Variants in ANKRD10 observed in about 807,000 individuals in gnomAD.
ANKRD10 encodes ankyrin repeat domain 10.
Under a neutral mutation model 27.0 loss-of-function variants are expected in ANKRD10, and 14 were observed. The ratio of observed to expected loss-of-function variants is 0.52; its 90% confidence interval spans 0.34 to 0.81. The LOEUF (loss-of-function observed/expected upper bound fraction) is 0.81, where lower values mean the gene tolerates loss of function less well. Ranked by LOEUF, ANKRD10 falls within the 40% of genes least tolerant of loss-of-function variation. The probability of loss-of-function intolerance (pLI) is 0.01; values close to 1 mark genes in which losing one functional copy is unlikely to be tolerated. For synonymous variants in ANKRD10, 250 were observed against 224.5 expected (o/e 1.11, Z -1.01); for missense variants, 493 against 544.0 (o/e 0.91, Z 0.93).
intron 3 of ANKRD10, among the ~76,000 whole-genome samples, chr13:110,893,869 G>A (rs1390513146): frequency 6.6e-6 from 1 of 152,168 alleles, no homozygotes; most frequent in Non-Finnish European, 1.5e-5. Context: ...AAAACCTGCA[G>A]GAGTATTGTA....
chr13:110,889,133 A>G (rs1425900368), intron 4 of ANKRD10, among the ~76,000 whole-genome samples: 1 of 152,230 alleles, frequency 6.6e-6, no homozygotes, highest in Admixed American at 6.5e-5. Context: ...AGGAGTACAT[A>G]TAAAAATAAT....
chr13:110,914,663 C>T (rs1165513564), intron 1 of ANKRD10, 62 bp downstream of exon 1: 2 of 1,507,442 alleles, frequency 1.3e-6, no homozygotes, highest in Non-Finnish European at 1.8e-6. Context: ...ACCTCAGACC[C>T]GCTTTCCCCG....
At chr13:110,902,312 C>T (rs2065407261) in intron 3 of ANKRD10, among the ~76,000 whole-genome samples, 1 of 152,172 alleles carries the variant, frequency 6.6e-6, no homozygotes, top group Non-Finnish European at 1.5e-5. Context: ...TAAATATGCT[C>T]ATCACCTGTA....
rs1478969216 is a variant in ANKRD10 at position 110,912,508 on chromosome 13, A to T, written c.211-1738T>A. ...ATCCAATAAAAATAAAACGGATGAA[A>T]ATCACTTGGCGTACCAAAAATCAGC... On this transcript the variant is annotated intron_variant, in intron 1 of 5. Coordinates refer to ENST00000267339, the MANE Select transcript of ANKRD10 (RefSeq NM_017664.4). 2.0e-5 allele frequency among the ~76,000 whole-genome samples: 3 copies of T among 152,226 alleles called. No individual in the cohort carries two copies. The East Asian group carries it at 5.8e-4, about 29-fold the overall frequency.
At chr13:110,881,610 A>G (rs987228723) in intron 5 of ANKRD10, among the ~76,000 whole-genome samples, 21 of 152,256 alleles carry the variant, frequency 1.4e-4, no homozygotes, top group African/African-American at 5.1e-4. Flanking sequence ...AATAGAAAAT[A>G]AAAACTGAAA....
At position 110,880,045 on chromosome 13, in the gene ANKRD10, G is replaced by A; in HGVS notation, c.855C>T (p.Asp285=). The A allele has an allele frequency of 6.2e-7, 1 of 1,614,204 alleles. No individual in the cohort carries two copies. The highest frequency in any genetic ancestry group is 8.5e-7 in the Non-Finnish European group (1 of 1,180,036). ...TNGCVINGHL[D]FPSTTPLSGM... Reference sequence around the variant, plus strand: ...CACTGAGCGGGGTCGTGGAGGGGAAGTCCAAATGTCCATTGATGACACATC... The same window carrying A: ...CACTGAGCGGGGTCGTGGAGGGGAAATCCAAATGTCCATTGATGACACATC... The change falls in exon 6 of 6, where the codon GAC becomes GAT. Residue 285 remains aspartate, a synonymous_variant. Coordinates refer to ENST00000267339, the MANE Select transcript of ANKRD10 (RefSeq NM_017664.4).
Position 110,915,051 on chromosome 13 carries a change from G to A in ANKRD10, c.-117C>T. 1.4e-6 allele frequency: 2 copies of A among 1,419,784 alleles called. No homozygotes were observed. The highest frequency in any genetic ancestry group is 1.8e-6 in the Non-Finnish European group (2 of 1,091,798). 87.9% of individuals were successfully genotyped at this position (1,419,784 alleles called of 1,614,324 possible). A position where few individuals can be genotyped will look rare whatever the true frequency, so the allele number is the denominator to read the frequency against. ...CTAGCGCCGCGGTCGCGTCCCACAG[G>A]CTGCCGAGCGGAGCGCGCACAGAGG... On this transcript the variant is annotated 5_prime_UTR_variant, in exon 1 of 6. Coordinates refer to ENST00000267339, the MANE Select transcript of ANKRD10 (RefSeq NM_017664.4).
intron 3 of ANKRD10, chr13:110,900,641 T>TG (rs1457812626): frequency 7.4e-7 from 1 of 1,352,086 alleles, no homozygotes; most frequent in Admixed American, 1.9e-5. Context: ...CTATATGGAA[T>TG]GCTCCCCCTT....
Position 110,893,219 on chromosome 13 carries a change from G to A in ANKRD10, c.500C>T (p.Thr167Ile). ...SGLTAADIAQTQGFQECAQFL... is the reference protein window; with the variant it reads ...SGLTAADIAQIQGFQECAQFL... ...CTGGGCACACTCTTGGAAACCCTGG[G>A]TTTGTGCAATGTCTGCTGCTGTCAG... The change falls in exon 4 of 6, where the codon ACC (threonine) becomes ATC (isoleucine). Residue 167 changes from threonine to isoleucine, a missense_variant. Coordinates refer to ENST00000267339, the MANE Select transcript of ANKRD10 (RefSeq NM_017664.4). 1 of 1,614,158 alleles carries A rather than the reference G, an allele frequency of 6.2e-7. No individual in the cohort carries two copies. The highest frequency in any genetic ancestry group is 8.5e-7 in the Non-Finnish European group (1 of 1,180,016).
intron 5 of ANKRD10, among the ~76,000 whole-genome samples, chr13:110,881,258 T>C (rs1269256977): frequency 6.6e-6 from 1 of 152,202 alleles, no homozygotes; most frequent in East Asian, 1.9e-4. Flanking sequence ...CTAATAACTT[T>C]TAGAATGAGG....
At chr13:110,895,806 A>AC (rs2065211318) in intron 3 of ANKRD10, among the ~76,000 whole-genome samples, 2 of 152,196 alleles carry the variant, frequency 1.3e-5, no homozygotes. Flanking sequence ...AATAGTGCCA[A>AC]CATATGGAGA....
chr13:110,895,823 G>T (rs1019787290), intron 3 of ANKRD10, among the ~76,000 whole-genome samples: 1 of 152,076 alleles, frequency 6.6e-6, no homozygotes, highest in African/African-American at 2.4e-5. Context: ...GAGATTCCTG[G>T]AGACTGAAGT....
At chr13:110,896,003 G>A (rs1318699701) in intron 3 of ANKRD10, among the ~76,000 whole-genome samples, 3 of 152,138 alleles carry the variant, frequency 2.0e-5, no homozygotes, top group Non-Finnish European at 4.4e-5. Context: ...CTCAAAAGAC[G>A]GATTCTGGCC....
At position 110,915,017 on chromosome 13, in the gene ANKRD10, G is replaced by C. The variant is rs765052291; in HGVS notation, c.-83C>G. 151 of 1,469,748 alleles carry C rather than the reference G, an allele frequency of 1.0e-4. No individual in the cohort carries two copies. The highest frequency in any genetic ancestry group is 1.3e-4 in the Non-Finnish European group (149 of 1,115,540). The allele number at this position is 1,469,748 out of a possible 1,614,324, so 91.0% of individuals were successfully genotyped here. A position where few individuals can be genotyped will look rare whatever the true frequency, so the allele number is the denominator to read the frequency against. ...CGAGAAGCCGCCGCCGCAGCACAAA[G>C]GAACGAGACTAGCGCCGCGGTCGCG... On this transcript the variant is annotated 5_prime_UTR_variant, in exon 1 of 6. Transcript: ENST00000267339.
At chr13:110,892,954 C>A (rs1566462639) in intron 4 of ANKRD10, 74 bp downstream of exon 4, 1 of 1,568,140 alleles carries the variant, frequency 6.4e-7, no homozygotes. Context: ...CGAAGGTGCG[C>A]TCAGCCATAA....
intron 4 of ANKRD10, among the ~76,000 whole-genome samples, chr13:110,888,388 AG>A (rs1249435169): frequency 6.6e-6 from 1 of 152,046 alleles, no homozygotes; most frequent in Non-Finnish European, 1.5e-5. Context: ...TCACATCTTC[AG>A]GGATCAAGAA....
chr13:110,885,136 A>C (rs1007824601), intron 4 of ANKRD10, among the ~76,000 whole-genome samples: 1 of 152,170 alleles, frequency 6.6e-6, no homozygotes, highest in African/African-American at 2.4e-5. Context: ...GGTGGATTTT[A>C]GTCTTATCCA....
At chr13:110,896,305 G>C (rs1382448536) in intron 3 of ANKRD10, among the ~76,000 whole-genome samples, 2 of 152,196 alleles carry the variant, frequency 1.3e-5, no homozygotes, top group African/African-American at 4.8e-5. Context: ...TGAGGTACAA[G>C]AACATTTCAA....
chr13:110,899,537 C>T (rs1566476244), intron 3 of ANKRD10, among the ~76,000 whole-genome samples: 1 of 152,176 alleles, frequency 6.6e-6, no homozygotes, highest in Non-Finnish European at 1.5e-5. Flanking sequence ...ACTTGAGGTT[C>T]AAACTGGTTC....
Sources: gnomAD v4.1 joint callset for allele counts (sites outside exome capture counted in the v4.1 genomes callset) on GRCh38, gnomAD v4.1.1 for gene constraint, MANE v1.5 for transcripts, NCBI Gene and HGNC (gene_info 2026-07-23, HGNC 2026-07-21) for gene names.